The following TMEM272 variants were observed in gnomAD, a reference collection of about 807,000 sequenced individuals.
TMEM272 encodes long intergenic non-protein coding RNA 282.
In TMEM272, 8 loss-of-function variants were observed where a neutral mutation model predicts 3.7. The observed-to-expected ratio is 2.17, with a 90% CI of 1.27 to 3.91. The LOEUF (loss-of-function observed/expected upper bound fraction) is 3.91. Among genes scored for constraint, TMEM272 ranks in the 30% most tolerant of loss-of-function variants. TMEM272 has a pLI of 0.00. For missense variants in TMEM272, 166 were observed against 91.5 expected, an observed-to-expected ratio of 1.81 and a Z score of -3.32; for synonymous variants, 63 against 39.8, an observed-to-expected ratio of 1.58 and a Z score of -2.20.
At chr13:51,904,396 G>A in the TMEM272 span, among the ~76,000 whole-genome samples, 1 of 152,122 alleles carries the variant, frequency 6.6e-6, no homozygotes, top group Admixed American at 6.5e-5. Flanking sequence ...TAAGGTAATT[G>A]TTGTTGATGA....
chr13:51,931,769 G>A, the TMEM272 span, among the ~76,000 whole-genome samples: 2 of 152,284 alleles, frequency 1.3e-5, no homozygotes, highest in East Asian at 3.9e-4. Flanking sequence ...CGGAAAAACA[G>A]TCAAGCACGC....
chr13:51,923,461 C>T, the TMEM272 span, among the ~76,000 whole-genome samples: 1 of 149,832 alleles, frequency 6.7e-6, no homozygotes, highest in African/African-American at 2.4e-5. Context: ...TGTGCCACAC[C>T]CACACTGAGA....
At chr13:51,892,804 T>C in the TMEM272 span, among the ~76,000 whole-genome samples, 1 of 152,108 alleles carries the variant, frequency 6.6e-6, no homozygotes, top group Non-Finnish European at 1.5e-5. Context: ...CTCAGTCCCC[T>C]CCCTTTGTTC....
chr13:51,852,418 T>A, the TMEM272 span, among the ~76,000 whole-genome samples: 1 of 152,220 alleles, frequency 6.6e-6, no homozygotes, highest in African/African-American at 2.4e-5. Context: ...CAAAGTCTCC[T>A]CTTTCACAAA....
the TMEM272 span, chr13:51,866,040 G>A: frequency 1.2e-6 from 2 of 1,603,698 alleles, no homozygotes; most frequent in Non-Finnish European, 8.5e-7. Flanking sequence ...AACGCCAACA[G>A]AGGGCAGCGC....
chr13:51,883,969 T>A, the TMEM272 span, among the ~76,000 whole-genome samples: 302 of 152,334 alleles, frequency 2.0e-3, no homozygotes, highest in African/African-American at 6.9e-3. Flanking sequence ...TAAAAAGATG[T>A]CAAAGTAAAA....
At chr13:51,867,863 T>C in the TMEM272 span, among the ~76,000 whole-genome samples, 85 of 152,230 alleles carry the variant, frequency 5.6e-4, no homozygotes, top group African/African-American at 2.0e-3. Context: ...CTGGACGGTG[T>C]GGGCCATTGG....
chr13:51,835,372 G>A (rs1022810776), intron 2 of TMEM272, among the ~76,000 whole-genome samples: 1 of 151,724 alleles, frequency 6.6e-6, no homozygotes, highest in East Asian at 1.9e-4. Context: ...ATACAGTCGT[G>A]CACCACCACA....
At chr13:51,882,516 C>G in the TMEM272 span, among the ~76,000 whole-genome samples, 1 of 152,126 alleles carries the variant, frequency 6.6e-6, no homozygotes, top group Non-Finnish European at 1.5e-5. Flanking sequence ...GTCACAATAT[C>G]TCATAATCTA....
chr13:51,816,663 GTGTGTGTGTGTGTGCGTCTGTGTGTC>G lies in TMEM272; in HGVS notation c.*62_*87del, dbSNP rs1236962031. Reference sequence around the variant, plus strand: ...TGCCCTTCTCTGAACCTGTGTGTGTGTGTGTGTGTGTGTGCGTCTGTGTGTCTGTGTGCACGCGCGTGCATGCACAC... The same window carrying G: ...TGCCCTTCTCTGAACCTGTGTGTGTGTGTGTGCACGCGCGTGCATGCACAC... On this transcript the variant is annotated 3_prime_UTR_variant, in exon 5 of 5. Coordinates refer to ENST00000629372, the MANE Select transcript of TMEM272 (RefSeq NM_001351003.2). 1 of 628,026 alleles carries G rather than the reference GTGTGTGTGTGTGTGCGTCTGTGTGTC, an allele frequency of 1.6e-6. No homozygotes were observed. The highest frequency in any genetic ancestry group is 2.7e-5 in the East Asian group (1 of 36,562). The allele number at this position is 628,026 out of a possible 1,614,324, so 38.9% of individuals were successfully genotyped here.
chr13:51,856,113 G>A, the TMEM272 span, among the ~76,000 whole-genome samples: 4 of 152,192 alleles, frequency 2.6e-5, no homozygotes, highest in African/African-American at 4.8e-5. Context: ...ATTGGCTGGG[G>A]ATGAAATCAT....
At chr13:51,838,045 T>C (rs1406669593) in intron 2 of TMEM272, among the ~76,000 whole-genome samples, 1 of 152,168 alleles carries the variant, frequency 6.6e-6, no homozygotes, top group African/African-American at 2.4e-5. Context: ...CCAGCCCCTC[T>C]GGACAGAAAG....
At chr13:51,821,961 C>T in intron 4 of TMEM272, 94 bp downstream of exon 4, 1 of 698,796 alleles carries the variant, frequency 1.4e-6, no homozygotes, top group Middle Eastern at 3.0e-4. Context: ...TGTTTTGTCT[C>T]CCCTGTGAAT....
chr13:51,872,754 A>G, the TMEM272 span, among the ~76,000 whole-genome samples: 4 of 152,394 alleles, frequency 2.6e-5, no homozygotes, highest in Non-Finnish European at 4.4e-5. Flanking sequence ...AGATTTCTCA[A>G]TGACACCACT....
the TMEM272 span, among the ~76,000 whole-genome samples, chr13:51,860,971 A>C: frequency 6.6e-6 from 1 of 152,036 alleles, no homozygotes; most frequent in Non-Finnish European, 1.5e-5. Context: ...ATGGATAAAG[A>C]AATTGCAGCA....
chr13:51,853,332 C>T, the TMEM272 span, among the ~76,000 whole-genome samples: 1 of 152,036 alleles, frequency 6.6e-6, no homozygotes, highest in African/African-American at 2.4e-5. Context: ...ATCGCTTGAA[C>T]CTGGGAGGCA....
rs111925186 is a variant in TMEM272, at chr13:51,816,653, C to CTGTGTGTGTGTG, written c.*86_*97dup. On this transcript the variant is annotated 3_prime_UTR_variant, in exon 5 of 5. Coordinates refer to ENST00000629372, the MANE Select transcript of TMEM272 (RefSeq NM_001351003.2). ...ATTACCTTTATGCCCTTCTCTGAACCTGTGTGTGTGTGTGTGTGTGTGTGC... is the reference window on the plus strand; with the variant it reads ...ATTACCTTTATGCCCTTCTCTGAACCTGTGTGTGTGTGTGTGTGTGTGTGTGTGTGTGTGTGC... The CTGTGTGTGTGTG allele has an allele frequency of 4.2e-5, 24 of 572,008 alleles. No individual in the cohort carries two copies. The highest frequency in any genetic ancestry group is 3.7e-4 in the Admixed American group (13 of 35,374). 35.4% of individuals were successfully genotyped at this position (572,008 alleles called of 1,614,324 possible).
At chr13:51,831,521 A>G (rs781478436) in intron 2 of TMEM272, among the ~76,000 whole-genome samples, 2 of 152,314 alleles carry the variant, frequency 1.3e-5, no homozygotes, top group Non-Finnish European at 2.9e-5. Flanking sequence ...TCTGCTCAGC[A>G]TGGTGTGAGG....
At chr13:51,892,309 G>A in the TMEM272 span, among the ~76,000 whole-genome samples, 8 of 152,304 alleles carry the variant, frequency 5.3e-5, no homozygotes, top group Non-Finnish European at 7.3e-5. Flanking sequence ...CATCTACTCC[G>A]CTGTACACAG....
Sources: allele counts gnomAD v4.1 joint callset (sites outside exome capture counted in the v4.1 genomes callset), GRCh38; gene constraint gnomAD v4.1.1; transcripts MANE v1.5; gene names NCBI Gene and HGNC (gene_info 2026-07-23, HGNC 2026-07-21).